The following WWC2 variants were observed in gnomAD, a reference collection of about 807,000 sequenced individuals.
WWC2 encodes protein WWC2.
Under a neutral mutation model 138.5 loss-of-function variants are expected in WWC2, and 101 were observed. The ratio of observed to expected loss-of-function variants is 0.73; its 90% CI spans 0.62 to 0.86. The LOEUF is 0.86. WWC2 is among the 40% of genes least tolerant of loss of function. The pLI is 0.00. For missense variants in WWC2, 1,420 were observed against 1,419.4 expected (o/e 1.00, Z -0.01); for synonymous variants, 558 against 538.4 (o/e 1.04, Z -0.50).
At chr4:183,313,267 TC>T (rs1227265378) in intron 22 of WWC2, among the ~76,000 whole-genome samples, 5 of 152,142 alleles carry the variant, frequency 3.3e-5, no homozygotes, top group African/African-American at 1.2e-4. Flanking sequence ...GCAGAAGGCT[TC>T]CACCCGTGGT....
In WWC2 at chr4:183,259,564, C is replaced by T. The variant is rs1252407453; in HGVS notation, c.1197-75C>T. ...TCCCTTGTGATCTGTAATGTTTGTA[C>T]AATGAGAATCTTTCTTTCCTTTTAG... On this transcript the variant is annotated intron_variant, in intron 9 of 22. Transcript: ENST00000403733. The T allele has an allele frequency of 3.5e-6, 4 of 1,144,846 alleles. No individual in the cohort carries two copies. The Admixed American group carries it at 1.0e-4, about 30-fold the overall frequency. The allele number at this position is 1,144,846 out of a possible 1,614,324, so 70.9% of individuals were successfully genotyped here. A position where few individuals can be genotyped will look rare whatever the true frequency, so the allele number is the denominator to read the frequency against.
At chr4:183,169,094 C>T (rs773630107) in intron 1 of WWC2, among the ~76,000 whole-genome samples, 55 of 151,982 alleles carry the variant, frequency 3.6e-4, no homozygotes, top group Non-Finnish European at 6.0e-4. Context: ...ATGATCTGCC[C>T]GCCTTGGCCT....
Position 183,269,059 on chromosome 4 carries a change from T to C in WWC2, c.2296T>C (p.Phe766Leu). The change falls in exon 15 of 23, where the codon TTC becomes CTC. Residue 766 changes from phenylalanine to leucine, a missense_variant. Transcript: ENST00000403733. The stretch of plus-strand genomic sequence containing the variant: ...TCATCCGCCCACAGAATCCATTTTA[T>C]TCAATGATGTGTTCAGAGTCGCCAT... ...KVHPPTESIL[F>L]NDVFRVAISQ... The C allele has an allele frequency of 6.2e-7, 1 of 1,613,970 alleles. No homozygotes were observed. The highest frequency in any genetic ancestry group is 8.5e-7 in the Non-Finnish European group (1 of 1,179,884).
chr4:183,280,967 T>C (rs1230807796), intron 17 of WWC2, 70 bp downstream of exon 17: 1 of 1,485,100 alleles, frequency 6.7e-7, no homozygotes, highest in Non-Finnish European at 8.9e-7. Flanking sequence ...CAGTGAAACC[T>C]TTGTAGGCTC....
chr4:183,285,943 T>G, intron 19 of WWC2, 24 bp from the exon 20 acceptor site: 1 of 1,560,610 alleles, frequency 6.4e-7, no homozygotes, highest in South Asian at 1.2e-5. Context: ...GCAGTGATTT[T>G]TTTTTTAAAT....
chr4:183,122,905 T>C (rs1285444300), intron 1 of WWC2, among the ~76,000 whole-genome samples: 2 of 152,180 alleles, frequency 1.3e-5, no homozygotes, highest in African/African-American at 2.4e-5. Context: ...GAGTGATCAA[T>C]GAATATATGG....
chr4:183,187,571 A>ATAATAATAATAG (rs1290447565), intron 1 of WWC2, among the ~76,000 whole-genome samples: 1 of 142,178 alleles, frequency 7.0e-6, no homozygotes, highest in Non-Finnish European at 1.5e-5. Flanking sequence ...AATAATAATA[A>ATAATAATAATAG]TAATAATAAT....
intron 22 of WWC2, among the ~76,000 whole-genome samples, chr4:183,314,935 T>C (rs1481698873): frequency 6.6e-6 from 1 of 151,900 alleles, no homozygotes; most frequent in African/African-American, 2.4e-5. Context: ...TCCTCCCCCA[T>C]CTGGACTGTT....
intron 1 of WWC2, among the ~76,000 whole-genome samples, chr4:183,173,055 C>T (rs1734340039): frequency 6.6e-6 from 1 of 151,874 alleles, no homozygotes; most frequent in African/African-American, 2.4e-5. Context: ...CTCCTCCCCT[C>T]CTCTCCTCAC....
chr4:183,304,056 T>G (rs1051499351), intron 21 of WWC2, among the ~76,000 whole-genome samples: 1 of 152,086 alleles, frequency 6.6e-6, no homozygotes, highest in Non-Finnish European at 1.5e-5. Flanking sequence ...GGCTTCTGGT[T>G]TCTGGTCCAA....
At chr4:183,114,830 T>G (rs1165844265) in intron 1 of WWC2, among the ~76,000 whole-genome samples, 2 of 151,886 alleles carry the variant, frequency 1.3e-5, no homozygotes, top group Non-Finnish European at 2.9e-5. Flanking sequence ...TTGTTTTTGT[T>G]TATTTATTTT....
chr4:183,174,170 C>T (rs1428326137), intron 1 of WWC2, among the ~76,000 whole-genome samples: 1 of 152,200 alleles, frequency 6.6e-6, no homozygotes. Context: ...ATAAGGTACT[C>T]CTTTCAGCAG....
chr4:183,138,047 A>G (rs985241199), intron 1 of WWC2, among the ~76,000 whole-genome samples: 2 of 152,156 alleles, frequency 1.3e-5, no homozygotes, highest in Non-Finnish European at 2.9e-5. Flanking sequence ...TACTTTTTCT[A>G]GGTGCTGAGG....
intron 4 of WWC2, among the ~76,000 whole-genome samples, chr4:183,219,359 A>G (rs1012680978): frequency 2.0e-5 from 3 of 152,206 alleles, no homozygotes; most frequent in South Asian, 2.1e-4. Context: ...ATAATTTTTC[A>G]GACAAACAAG....
At chr4:183,146,014 C>T (rs1229842801) in intron 1 of WWC2, among the ~76,000 whole-genome samples, 1 of 152,202 alleles carries the variant, frequency 6.6e-6, no homozygotes, top group East Asian at 1.9e-4. Flanking sequence ...GTAGAATAAA[C>T]TCCTTAGTTG....
In WWC2 at chr4:183,248,868, A is replaced by G. The variant is rs1736883021; in HGVS notation, c.879+8A>G. On this transcript the variant is annotated splice_region_variant and intron_variant, in intron 7 of 22. Transcript: ENST00000403733. ...ACAAGCATTTCCGGAGATGTAAGTT[A>G]TCTGTGCTGAAGAGTTGGCCCAGTG... 5 of 1,587,984 alleles carry G rather than the reference A, an allele frequency of 3.1e-6. No homozygotes were observed. In the East Asian group the frequency reaches 1.1e-4, roughly 36 times the overall value.
At chr4:183,231,188 A>G (rs1560855714) in intron 4 of WWC2, among the ~76,000 whole-genome samples, 1 of 145,714 alleles carries the variant, frequency 6.9e-6, no homozygotes, top group Non-Finnish European at 1.5e-5. Context: ...TATACAATTT[A>G]GGATTTGAAA....
chr4:183,305,894 T>A (rs994841938), intron 21 of WWC2, among the ~76,000 whole-genome samples: 4 of 152,168 alleles, frequency 2.6e-5, no homozygotes, highest in Admixed American at 6.5e-5. Flanking sequence ...TAAATAATTC[T>A]AAGTAATGAT....
At chr4:183,229,424 TTTC>T (rs1179257853) in intron 4 of WWC2, among the ~76,000 whole-genome samples, 24 of 152,068 alleles carry the variant, frequency 1.6e-4, no homozygotes, top group Admixed American at 8.5e-4. Flanking sequence ...TTGGTACCTC[TTTC>T]TTCTTGAATT....
Sources: allele counts gnomAD v4.1 joint callset (sites outside exome capture counted in the v4.1 genomes callset), GRCh38; gene constraint gnomAD v4.1.1; transcripts MANE v1.5; gene names NCBI Gene and HGNC (gene_info 2026-07-23, HGNC 2026-07-21).